The following VOPP1 variants were observed in gnomAD, a reference collection of about 807,000 sequenced individuals.
The protein encoded by VOPP1 is WW domain binding protein VOPP1.
Under a neutral mutation model 23.5 loss-of-function variants are expected in VOPP1, and 8 were observed. The observed-to-expected ratio is 0.34, with a 90% CI of 0.20 to 0.61. VOPP1 has a LOEUF of 0.61. VOPP1 is among the 20% of genes least tolerant of loss of function. VOPP1 has a pLI of 0.78. For synonymous variants in VOPP1, 83 were observed against 97.3 expected (o/e 0.85, Z 0.86); for missense variants, 174 against 238.1 (o/e 0.73, Z 1.77).
intron 4 of VOPP1, among the ~76,000 whole-genome samples, chr7:55,455,416 A>T (rs1284382671): frequency 6.6e-6 from 1 of 152,214 alleles, no homozygotes; most frequent in Non-Finnish European, 1.5e-5. Context: ...CTATCAAGCT[A>T]CCATTGACTT....
chr7:55,510,505 G>A (rs1257585849), intron 2 of VOPP1, among the ~76,000 whole-genome samples: 1 of 151,140 alleles, frequency 6.6e-6, no homozygotes, highest in African/African-American at 2.4e-5. Context: ...TAAGGCCCAG[G>A]AAAGGCCTAG....
At chr7:55,481,239 G>A (rs1290975296) in intron 4 of VOPP1, among the ~76,000 whole-genome samples, 2 of 152,222 alleles carry the variant, frequency 1.3e-5, no homozygotes, top group African/African-American at 4.8e-5. Context: ...GAGCCAGGAG[G>A]GGCCACAGGA....
rs1194491479 is a variant in VOPP1 at position 55,470,655 on chromosome 7, C to T, written c.*2200G>A. ...ATTTTGCACACATAGGAAACAGGAT[C>T]CTATCAAAAGAGAACAAAAAAGAGA... On this transcript the variant is annotated 3_prime_UTR_variant, in exon 5 of 5. Coordinates refer to ENST00000285279, the MANE Select transcript of VOPP1 (RefSeq NM_030796.5). 2 of 152,182 alleles carry T rather than the reference C, an allele frequency of 1.3e-5. No individual in the cohort carries two copies. The highest frequency in any genetic ancestry group is 1.9e-4 in the East Asian group (1 of 5,202). The allele number at this position is 152,182 out of a possible 1,614,324, so 9.4% of individuals were successfully genotyped here.
intron 1 of VOPP1, chr7:55,521,845 T>C: frequency 1.0e-6 from 1 of 983,792 alleles, no homozygotes; most frequent in Non-Finnish European, 1.2e-6. Flanking sequence ...CAGGCCAGCA[T>C]CCCCACTGCT....
chr7:55,505,288 T>A (rs1486800303), intron 2 of VOPP1, among the ~76,000 whole-genome samples: 1 of 151,866 alleles, frequency 6.6e-6, no homozygotes, highest in Non-Finnish European at 1.5e-5. Context: ...GGCCTGAAAA[T>A]GAAGAGGAAT....
chr7:55,571,533 G>C (rs992222987), intron 1 of VOPP1, among the ~76,000 whole-genome samples: 3 of 152,210 alleles, frequency 2.0e-5, no homozygotes, highest in Non-Finnish European at 2.9e-5. Context: ...ACCTGCTTTA[G>C]TGAGAAGTAT....
chr7:55,488,725 C>T (rs758212361), intron 4 of VOPP1, among the ~76,000 whole-genome samples: 3 of 152,156 alleles, frequency 2.0e-5, no homozygotes, highest in African/African-American at 7.2e-5. Context: ...AATCCCTCTG[C>T]TTTTTCATCT....
intron 1 of VOPP1, among the ~76,000 whole-genome samples, chr7:55,539,886 T>C (rs1332283006): frequency 7.3e-6 from 1 of 136,450 alleles, no homozygotes; most frequent in Admixed American, 8.0e-5. Context: ...AACGGGCGCA[T>C]AACATAAGCG....
At chr7:55,536,810 C>A (rs150128681) in intron 1 of VOPP1, among the ~76,000 whole-genome samples, 2 of 152,264 alleles carry the variant, frequency 1.3e-5, no homozygotes, top group South Asian at 2.1e-4. Flanking sequence ...ATCTGCCACA[C>A]GGAAGGGCGC....
At chr7:55,532,822 C>T (rs966497191) in intron 1 of VOPP1, among the ~76,000 whole-genome samples, 1 of 152,184 alleles carries the variant, frequency 6.6e-6, no homozygotes, top group African/African-American at 2.4e-5. Context: ...CCAAATTTCA[C>T]ACCCCCTCAA....
At chr7:55,461,296 G>C in intron 4 of VOPP1, among the ~76,000 whole-genome samples, 1 of 152,002 alleles carries the variant, frequency 6.6e-6, no homozygotes, top group Non-Finnish European at 1.5e-5. Context: ...TATTCTGCTT[G>C]GGTGATGGGT....
intron 4 of VOPP1, among the ~76,000 whole-genome samples, chr7:55,491,880 T>C (rs186969785): frequency 6.6e-6 from 1 of 152,184 alleles, no homozygotes; most frequent in African/African-American, 2.4e-5. Flanking sequence ...TCAGCAATAA[T>C]AAAATATCTA....
chr7:55,469,405 C>G (rs1425099796), downstream of VOPP1, among the ~76,000 whole-genome samples: 1 of 152,132 alleles, frequency 6.6e-6, no homozygotes, highest in African/African-American at 2.4e-5. Flanking sequence ...CACCTGTACT[C>G]TGAGTTAGTT....
chr7:55,538,789 AGGAAACATCTCCAAGCAAC>A lies in VOPP1; in HGVS notation c.55-17678_55-17660del. 4 of 586,102 alleles carry A rather than the reference AGGAAACATCTCCAAGCAAC, an allele frequency of 6.8e-6. No individual in the cohort carries two copies. The South Asian group carries it at 1.1e-4, about 16-fold the overall frequency. The allele number at this position is 586,102 out of a possible 1,614,324, so 36.3% of individuals were successfully genotyped here. A position where few individuals can be genotyped will look rare whatever the true frequency, so the allele number is the denominator to read the frequency against. On this transcript the variant is annotated intron_variant, in intron 1 of 4. Coordinates refer to ENST00000285279, the MANE Select transcript of VOPP1 (RefSeq NM_030796.5). ...ATGCTGTGGGTTTGAGCTGCTGATG[AGGAAACATCTCCAAGCAAC>A]ATTTCTTAAAAAAAAAAAAAAAAAG... is the stretch of plus-strand genomic sequence containing the variant.
In VOPP1 at chr7:55,462,907, C is replaced by T. The variant is rs1028633459; in HGVS notation, n.418-26733G>A. On this transcript the variant is annotated intron_variant and non_coding_transcript_variant, in intron 4 of 4. Transcript: ENST00000462326. ...TCCTGACCTCGTGATCCGCCCGCCT[C>T]GGCCTCCCAATATATTTTTAACTTC... Among the ~76,000 whole-genome samples the T allele has an allele frequency of 3.4e-5, 5 of 148,554 alleles. 1 individual carries two copies. The highest frequency in any genetic ancestry group is 2.0e-4 in the Admixed American group (3 of 14,662).
chr7:55,451,241 C>T (rs1791235836), intron 4 of VOPP1, among the ~76,000 whole-genome samples: 1 of 152,150 alleles, frequency 6.6e-6, no homozygotes, highest in Non-Finnish European at 1.5e-5. Flanking sequence ...CCGCACAGCC[C>T]ATCTGAGACA....
intron 4 of VOPP1, among the ~76,000 whole-genome samples, chr7:55,455,780 T>C (rs1038812166): frequency 1.3e-5 from 2 of 152,200 alleles, no homozygotes; most frequent in Non-Finnish European, 2.9e-5. Context: ...GTCCTTTCCT[T>C]ACACCTTATA....
chr7:55,548,245 T>C (rs554343498), intron 1 of VOPP1, among the ~76,000 whole-genome samples: 45 of 152,328 alleles, frequency 3.0e-4, no homozygotes, highest in Non-Finnish European at 5.6e-4. Context: ...AATTAAAAGG[T>C]TGCCTTTAAC....
chr7:55,529,364 C>CAA (rs58601889), intron 1 of VOPP1, among the ~76,000 whole-genome samples: 21 of 107,476 alleles, frequency 2.0e-4, no homozygotes, highest in African/African-American at 8.5e-4. Flanking sequence ...GATTCCGTCT[C>CAA]AAAAAAAAAA....
Sources: gnomAD v4.1 joint callset for allele counts (sites outside exome capture counted in the v4.1 genomes callset) on GRCh38, gnomAD v4.1.1 for gene constraint, MANE v1.5 for transcripts, NCBI Gene and HGNC (gene_info 2026-07-23, HGNC 2026-07-21) for gene names.